Variants in RAPGEF5 observed in about 807,000 individuals in gnomAD.
The protein encoded by RAPGEF5 is Rap guanine nucleotide exchange factor 5.
RAPGEF5 carries 65 observed loss-of-function variants against 125.2 expected under a neutral mutation model. The observed-to-expected ratio is 0.52, with a 90% CI of 0.43 to 0.64. The LOEUF is 0.64. Among genes scored for constraint, RAPGEF5 ranks in the 30% least tolerant of loss-of-function variants. The probability of loss-of-function intolerance (pLI) is 0.00; values close to 1 mark genes in which losing one functional copy is unlikely to be tolerated. For missense variants in RAPGEF5, 958 were observed against 1,048.1 expected, an observed-to-expected ratio of 0.91 and a Z score of 1.19; for synonymous variants, 391 against 385.9, an observed-to-expected ratio of 1.01 and a Z score of -0.16.
At chr7:22,224,921 T>G (rs962624222) in intron 8 of RAPGEF5, among the ~76,000 whole-genome samples, 2 of 152,130 alleles carry the variant, frequency 1.3e-5, no homozygotes, top group African/African-American at 4.8e-5. Flanking sequence ...TCTTCACTAT[T>G]TTTTTGGATT....
rs1562507581 is a variant in RAPGEF5 at position 22,284,092 on chromosome 7, CGT to C, written c.747+7081_747+7082del. On this transcript the variant is annotated intron_variant, in intron 6 of 25. Coordinates refer to ENST00000665637, the MANE Select transcript of RAPGEF5 (RefSeq NM_012294.5). ...CTGTGTGTGTGTGTGTGTGTGTGCGCGTGCATGTGGCAACCTGTATATTATGG... is the reference window on the plus strand; with the variant it reads ...CTGTGTGTGTGTGTGTGTGTGTGCGCGCATGTGGCAACCTGTATATTATGG... Among the ~76,000 whole-genome samples, 825 of 123,692 alleles carry C rather than the reference CGT, an allele frequency of 6.7e-3. 11 individuals are homozygous for C. The highest frequency in any genetic ancestry group is 0.026 in the African/African-American group (777 of 29,620). The allele number at this position is 123,692 out of a possible 152,430, so 81.1% of individuals were successfully genotyped here. A position where few individuals can be genotyped will look rare whatever the true frequency, so the allele number is the denominator to read the frequency against.
chr7:22,344,094 G>A (rs953901402), intron 1 of RAPGEF5, among the ~76,000 whole-genome samples: 5 of 152,078 alleles, frequency 3.3e-5, no homozygotes, highest in African/African-American at 4.8e-5. Context: ...GACCCTCTAC[G>A]GTGAAGCCCA....
At chr7:22,294,239 CAGAA>C (rs1167337677) in intron 5 of RAPGEF5, among the ~76,000 whole-genome samples, 6 of 152,208 alleles carry the variant, frequency 3.9e-5, no homozygotes, top group African/African-American at 1.2e-4. Flanking sequence ...TGACATAAGA[CAGAA>C]AGAGAAGAGA....
chr7:22,149,642 T>C (rs3807528), intron 18 of RAPGEF5, among the ~76,000 whole-genome samples: 100,682 of 151,932 alleles, frequency 0.66, 33,481 homozygotes, highest in South Asian at 0.77. Context: ...GCAGCTGACG[T>C]CCCATCACCA....
chr7:22,212,266 C>G (rs1009316548), intron 9 of RAPGEF5, among the ~76,000 whole-genome samples: 4 of 152,304 alleles, frequency 2.6e-5, no homozygotes, highest in Non-Finnish European at 5.9e-5. Context: ...AGCCACCACA[C>G]CCGGCCTCAC....
At chr7:22,201,460 C>G (rs376773824) in intron 9 of RAPGEF5, among the ~76,000 whole-genome samples, 5 of 152,204 alleles carry the variant, frequency 3.3e-5, no homozygotes, top group Non-Finnish European at 7.3e-5. Context: ...TTTCCAGAGA[C>G]GCTTGTGTTA....
chr7:22,127,997 CCTT>C (rs942474384), intron 24 of RAPGEF5, among the ~76,000 whole-genome samples: 1 of 152,154 alleles, frequency 6.6e-6, no homozygotes, highest in African/African-American at 2.4e-5. Context: ...TGTTCAGTTT[CCTT>C]CCCCAGATTT....
chr7:22,254,794 T>C (rs1786714443), intron 7 of RAPGEF5, among the ~76,000 whole-genome samples: 2 of 152,038 alleles, frequency 1.3e-5, no homozygotes, highest in South Asian at 2.1e-4. Context: ...TAGATTATCA[T>C]AAGGAGCACG....
At chr7:22,135,951 T>C (rs534900371) in intron 23 of RAPGEF5, 87 bp downstream of exon 23, 12 of 1,008,574 alleles carry the variant, frequency 1.2e-5, no homozygotes, top group African/African-American at 8.1e-5. Flanking sequence ...AGAGACAAAA[T>C]GAGAGTCCCT....
At chr7:22,129,940 T>A (rs147877461) in intron 24 of RAPGEF5, among the ~76,000 whole-genome samples, 2 of 152,092 alleles carry the variant, frequency 1.3e-5, no homozygotes, top group Non-Finnish European at 2.9e-5. Flanking sequence ...AGCAGAGCAA[T>A]GTACTTCTGA....
intron 21 of RAPGEF5, among the ~76,000 whole-genome samples, chr7:22,138,043 G>GCACA (rs148966394): frequency 6.8e-6 from 1 of 147,770 alleles, no homozygotes; most frequent in Non-Finnish European, 1.5e-5. Context: ...ACGCACGCAC[G>GCACA]CACACACACA....
intron 7 of RAPGEF5, among the ~76,000 whole-genome samples, chr7:22,250,833 T>C (rs1786600724): frequency 6.6e-6 from 1 of 152,194 alleles, no homozygotes; most frequent in African/African-American, 2.4e-5. Flanking sequence ...ACTTAGGACA[T>C]GACCTCCAGC....
At chr7:22,267,301 A>T (rs1782306614) in intron 6 of RAPGEF5, among the ~76,000 whole-genome samples, 1 of 143,652 alleles carries the variant, frequency 7.0e-6, no homozygotes, top group African/African-American at 3.0e-5. Flanking sequence ...GAAGTACCTA[A>T]AAAAAAACTA....
chr7:22,321,253 G>GA (rs561988019), intron 1 of RAPGEF5, among the ~76,000 whole-genome samples: 22 of 149,430 alleles, frequency 1.5e-4, no homozygotes, highest in African/African-American at 3.9e-4. Context: ...TGGACTTCCA[G>GA]AAAAAAAAAT....
intron 23 of RAPGEF5, among the ~76,000 whole-genome samples, chr7:22,131,439 T>C (rs910025573): frequency 6.6e-6 from 1 of 152,222 alleles, no homozygotes; most frequent in African/African-American, 2.4e-5. Flanking sequence ...GTCAGAAGAC[T>C]GAGCAGAAAA....
chr7:22,318,126 G>C, intron 1 of RAPGEF5, 89 bp from the exon 2 acceptor site: 2 of 1,311,310 alleles, frequency 1.5e-6, no homozygotes, highest in Non-Finnish European at 2.0e-6. Context: ...GGCCAGGGCA[G>C]GCCTCTGCTA....
At chr7:22,280,072 C>A (rs930631782) in intron 6 of RAPGEF5, among the ~76,000 whole-genome samples, 2 of 152,026 alleles carry the variant, frequency 1.3e-5, no homozygotes, top group Admixed American at 1.3e-4. Context: ...GAGAAGGAAG[C>A]CAGAGGCTGG....
Position 22,154,565 on chromosome 7 carries a change from C to T in RAPGEF5, c.1676G>A (p.Ser559Asn). ...HVYITEHSYVSVKAKVSSIAQ... is the reference protein window; with the variant it reads ...HVYITEHSYVNVKAKVSSIAQ... Reference sequence around the variant, plus strand: ...TATACTGGAAACTTTTGCCTTCACACTGACATAGGAGTGCTCTGTTATATA... The same window carrying T: ...TATACTGGAAACTTTTGCCTTCACATTGACATAGGAGTGCTCTGTTATATA... Residue 559 changes from serine (S) to asparagine (N), a missense_variant, in exon 17 of 26, where the codon AGT becomes AAT. By Grantham distance (46) the Ser-to-Asn change is conservative. Transcript: ENST00000665637. 1.9e-6 allele frequency: 3 copies of T among 1,613,866 alleles called. No individual in the cohort carries two copies. Among genetic ancestry groups the T allele is most frequent in the Non-Finnish European group, 2.5e-6 (3 of 1,179,792 alleles).
intron 6 of RAPGEF5, among the ~76,000 whole-genome samples, chr7:22,272,220 G>A (rs532353538): frequency 1.3e-5 from 2 of 151,510 alleles, no homozygotes; most frequent in South Asian, 4.2e-4. Context: ...GCACGCACCC[G>A]TAATCTCAGC....
Sources: gnomAD v4.1 joint callset for allele counts (sites outside exome capture counted in the v4.1 genomes callset) on GRCh38, gnomAD v4.1.1 for gene constraint, MANE v1.5 for transcripts, NCBI Gene and HGNC (gene_info 2026-07-23, HGNC 2026-07-21) for gene names.